The following FRMD4A variants were observed in gnomAD, a reference collection of about 807,000 sequenced individuals.
The protein encoded by FRMD4A is FERM domain containing 4A, also known as FERM domain-containing protein 4A.
Under a neutral mutation model 129.1 loss-of-function variants are expected in FRMD4A, and 29 were observed. That is an observed-to-expected ratio of 0.22 (90% CI 0.17 to 0.31). FRMD4A has a LOEUF of 0.31. FRMD4A is among the 10% of genes least tolerant of loss of function. FRMD4A has a pLI of 1.00. For missense variants in FRMD4A, 1,272 were observed against 1,375.8 expected, an observed-to-expected ratio of 0.92 and a Z score of 1.19; for synonymous variants, 634 against 571.6, an observed-to-expected ratio of 1.11 and a Z score of -1.56.
intron 2 of FRMD4A, among the ~76,000 whole-genome samples, chr10:14,006,267 A>AGGG (rs1164254234): frequency 1.3e-5 from 2 of 152,120 alleles, no homozygotes; most frequent in Non-Finnish European, 1.5e-5. Context: ...GCAGCGCGGG[A>AGGG]GGGCCCCAAA....
At chr10:14,321,798 A>G (rs1843066212) in intron 2 of FRMD4A, among the ~76,000 whole-genome samples, 1 of 152,164 alleles carries the variant, frequency 6.6e-6, no homozygotes, top group African/African-American at 2.4e-5. Flanking sequence ...TCCCTGCCCA[A>G]ATCTCAAGTC....
chr10:14,129,671 C>A (rs898902841), intron 2 of FRMD4A, among the ~76,000 whole-genome samples: 3 of 151,908 alleles, frequency 2.0e-5, no homozygotes, highest in Non-Finnish European at 2.9e-5. Context: ...GCATGGGTCG[C>A]CTTGGGTAAT....
At chr10:14,026,072 T>C (rs1317730756) in intron 2 of FRMD4A, among the ~76,000 whole-genome samples, 2 of 152,196 alleles carry the variant, frequency 1.3e-5, no homozygotes, top group African/African-American at 4.8e-5. Context: ...TCTGTTAAAC[T>C]CTGGTCTCCT....
intron 2 of FRMD4A, among the ~76,000 whole-genome samples, chr10:13,942,319 T>C (rs925289961): frequency 5.3e-5 from 8 of 152,228 alleles, no homozygotes; most frequent in African/African-American, 1.9e-4. Context: ...CCCTGTGTAC[T>C]GCCTGGGAGA....
intron 2 of FRMD4A, among the ~76,000 whole-genome samples, chr10:13,964,904 T>C (rs1405357895): frequency 6.6e-6 from 1 of 152,024 alleles, no homozygotes; most frequent in Non-Finnish European, 1.5e-5. Flanking sequence ...CAGGATGGTC[T>C]CGATCTCTTG....
intron 12 of FRMD4A, among the ~76,000 whole-genome samples, chr10:13,733,852 T>C (rs2090464985): frequency 6.6e-6 from 1 of 152,208 alleles, no homozygotes; most frequent in Non-Finnish European, 1.5e-5. Flanking sequence ...TCGTCGTGAT[T>C]GGGAAATGAA....
At chr10:14,063,513 A>G (rs1834913152) in intron 2 of FRMD4A, among the ~76,000 whole-genome samples, 1 of 152,010 alleles carries the variant, frequency 6.6e-6, no homozygotes, top group African/African-American at 2.4e-5. Context: ...AAAGAGCTGG[A>G]AAGTGTGATA....
chr10:14,264,230 C>T (rs930547759), intron 2 of FRMD4A, among the ~76,000 whole-genome samples: 4 of 152,194 alleles, frequency 2.6e-5, no homozygotes, highest in African/African-American at 9.6e-5. Flanking sequence ...TCCCTGGGCA[C>T]ATCACAGCCC....
At chr10:14,178,311 A>G (rs778064445) in intron 2 of FRMD4A, among the ~76,000 whole-genome samples, 1 of 152,252 alleles carries the variant, frequency 6.6e-6, no homozygotes, top group African/African-American at 2.4e-5. Context: ...CTATTAGGCT[A>G]TTACATTGAG....
intron 15 of FRMD4A, 35 bp downstream of exon 15, chr10:13,693,863 C>T (rs2085961508): frequency 1.2e-6 from 2 of 1,606,770 alleles, no homozygotes; most frequent in African/African-American, 2.7e-5. Flanking sequence ...CCCAGCCATG[C>T]TCAGGGGGCG....
chr10:14,161,920 A>G (rs1444402634), intron 2 of FRMD4A, among the ~76,000 whole-genome samples: 1 of 152,116 alleles, frequency 6.6e-6, no homozygotes, highest in Non-Finnish European at 1.5e-5. Context: ...TGCCATGAAT[A>G]TGTACAAATA....
intron 2 of FRMD4A, among the ~76,000 whole-genome samples, chr10:14,061,698 C>T (rs1352844865): frequency 1.3e-5 from 2 of 152,214 alleles, no homozygotes; most frequent in African/African-American, 2.4e-5. Context: ...TTATGGGAAA[C>T]GTTGTCCTTA....
intron 2 of FRMD4A, among the ~76,000 whole-genome samples, chr10:13,997,204 C>A (rs1264282269): frequency 6.6e-6 from 1 of 152,048 alleles, no homozygotes; most frequent in Non-Finnish European, 1.5e-5. Context: ...ATTGCAGCTC[C>A]ATTTTTCTGA....
At chr10:13,656,610 G>A (rs539819758) in intron 22 of FRMD4A, 26 bp downstream of exon 22, 3 of 1,375,972 alleles carry the variant, frequency 2.2e-6, no homozygotes, top group Middle Eastern at 5.6e-4. Flanking sequence ...AGGTCTTCCC[G>A]CGTGCACCTG....
chr10:13,783,208 G>A (rs1174640445), intron 5 of FRMD4A, among the ~76,000 whole-genome samples: 2 of 152,204 alleles, frequency 1.3e-5, no homozygotes, highest in African/African-American at 4.8e-5. Context: ...TTAGGGTCAC[G>A]CCTAATGGGC....
At chr10:14,007,213 C>T (rs995050285) in intron 2 of FRMD4A, 2 of 152,142 alleles carry the variant, frequency 1.3e-5, no homozygotes, top group African/African-American at 4.8e-5. Context: ...TAACTGAAGA[C>T]GTCTATGTAG....
At chr10:13,719,024 T>A (rs1346981143) in intron 12 of FRMD4A, among the ~76,000 whole-genome samples, 2 of 152,178 alleles carry the variant, frequency 1.3e-5, no homozygotes, top group African/African-American at 2.4e-5. Context: ...TTATGACAAC[T>A]GAAGTTCAGA....
At chr10:13,750,334 G>A (rs1406733925) in intron 8 of FRMD4A, among the ~76,000 whole-genome samples, 3 of 152,166 alleles carry the variant, frequency 2.0e-5, no homozygotes, top group Non-Finnish European at 4.4e-5. Context: ...AGGTGTTTAT[G>A]AAGCCCCTGC....
chr10:13,946,563 C>A (rs915830409), intron 2 of FRMD4A, among the ~76,000 whole-genome samples: 1 of 134,404 alleles, frequency 7.4e-6, no homozygotes, highest in African/African-American at 2.8e-5. Flanking sequence ...ACTCGGCCAC[C>A]AACTCACATT....
Sources: allele counts gnomAD v4.1 joint callset (sites outside exome capture counted in the v4.1 genomes callset), GRCh38; gene constraint gnomAD v4.1.1; transcripts MANE v1.5; gene names NCBI Gene and HGNC (gene_info 2026-07-23, HGNC 2026-07-21).